Variants in ALDH3B2 observed in about 807,000 individuals in gnomAD.
ALDH3B2 encodes the protein aldehyde dehydrogenase family 3 member B2.
Under a neutral mutation model 36.7 loss-of-function variants are expected in ALDH3B2, and 45 were observed. That is an observed-to-expected ratio of 1.23 (90% CI 0.97 to 1.57). The LOEUF is 1.57. Among genes scored for constraint, ALDH3B2 ranks in the 40% most tolerant of loss-of-function variants. ALDH3B2 has a pLI of 0.00. For synonymous variants in ALDH3B2, 217 were observed against 226.5 expected (o/e 0.96, Z 0.38); for missense variants, 464 against 513.3 (o/e 0.90, Z 0.93).
upstream of ALDH3B2, among the ~76,000 whole-genome samples, chr11:67,675,167 C>T (rs758584174): frequency 2.5e-4 from 38 of 152,266 alleles, no homozygotes; most frequent in Middle Eastern, 0.014. Context: ...TGATGGGCGA[C>T]GGCACCTGTA....
exon 2 of ALDH3B2, chr11:67,667,599 A>C: frequency 2.8e-6 from 1 of 358,694 alleles, no homozygotes. Flanking sequence ...TGAAGGCCTC[A>C]CGCAGCCGCC....
At chr11:67,674,763 A>G (rs937127369), upstream of ALDH3B2, 1 of 152,288 alleles carries the variant, frequency 6.6e-6, no homozygotes, top group African/African-American at 2.4e-5. Context: ...GCCCCCAGGG[A>G]CCACACTGCA....
exon 10 of ALDH3B2, chr11:67,662,821 G>A (rs530748628): frequency 2.3e-5 from 5 of 220,428 alleles, no homozygotes; most frequent in African/African-American, 9.3e-5. Flanking sequence ...CTAGAGGGGA[G>A]AGCAAAGGCC....
Position 67,667,462 on chromosome 11 carries a change from C to T in ALDH3B2, c.-82+11G>A, listed in dbSNP as rs377387938. 8.0e-4 allele frequency: 302 copies of T among 377,002 alleles called. 4 individuals carry two copies. In the South Asian group the frequency reaches 0.016, roughly 20 times the overall value. The allele number at this position is 377,002 out of a possible 1,614,324, so 23.4% of individuals were successfully genotyped here. The stretch of plus-strand genomic sequence containing the variant: ...TCCAGCCCCTGCCGGGGCCCACTCT[C>T]CACGGCCCACCTTATGCAGGTCCTG... On this transcript the variant is annotated intron_variant, in intron 2 of 9. Transcript: ENST00000349015.
upstream of ALDH3B2, among the ~76,000 whole-genome samples, chr11:67,676,931 A>T (rs928306716): frequency 2.6e-5 from 4 of 152,168 alleles, no homozygotes; most frequent in Non-Finnish European, 4.4e-5. Context: ...ACAGGCCAAT[A>T]ACAAGCAGCG....
chr11:67,665,525 A>G (rs924593332), exon 7 of ALDH3B2: 3 of 1,613,870 alleles, frequency 1.9e-6, no homozygotes, highest in African/African-American at 2.7e-5. Context: ...GCATTGAAGT[A>G]GCAGAACCAG....
At chr11:67,673,132 G>A (rs966441836) in intron 1 of ALDH3B2, among the ~76,000 whole-genome samples, 2 of 151,682 alleles carry the variant, frequency 1.3e-5, no homozygotes, top group Admixed American at 1.3e-4. Flanking sequence ...GGGTTTCACC[G>A]TGCTAGCCAG....
At chr11:67,668,356 GC>G (rs1436367438) in intron 1 of ALDH3B2, among the ~76,000 whole-genome samples, 1 of 152,182 alleles carries the variant, frequency 6.6e-6, no homozygotes, top group Non-Finnish European at 1.5e-5. Flanking sequence ...CTGGGCTTTA[GC>G]CTGAGGGCCC....
chr11:67,671,639 C>T (rs1565249878), intron 1 of ALDH3B2, among the ~76,000 whole-genome samples: 1 of 151,588 alleles, frequency 6.6e-6, no homozygotes, highest in Non-Finnish European at 1.5e-5. Context: ...CTCTGCCTCC[C>T]AGGTTCAAGT....
At chr11:67,663,490 C>A in intron 9 of ALDH3B2, 91 bp from the exon 10 acceptor site, 1 of 1,488,912 alleles carries the variant, frequency 6.7e-7, no homozygotes, top group Non-Finnish European at 9.2e-7. Context: ...ACACAGCTGG[C>A]AGGGAGCTCA....
chr11:67,668,509 G>A (rs1399217500), intron 1 of ALDH3B2, among the ~76,000 whole-genome samples: 1 of 152,130 alleles, frequency 6.6e-6, no homozygotes, highest in Non-Finnish European at 1.5e-5. Flanking sequence ...CTCAAGAATG[G>A]TGCGCAAATC....
upstream of ALDH3B2, among the ~76,000 whole-genome samples, chr11:67,679,282 A>C (rs1363552249): frequency 6.6e-6 from 1 of 152,134 alleles, no homozygotes; most frequent in African/African-American, 2.4e-5. Flanking sequence ...AGCCTGACCA[A>C]CATGATGAAA....
At chr11:67,669,175 T>A (rs1002655645) in intron 1 of ALDH3B2, among the ~76,000 whole-genome samples, 2 of 151,392 alleles carry the variant, frequency 1.3e-5, no homozygotes, top group African/African-American at 4.9e-5. Context: ...TGCATCTTCA[T>A]GTGTATGGCT....
chr11:67,672,042 CATATAT>C (rs57997475), intron 1 of ALDH3B2, among the ~76,000 whole-genome samples: 4,285 of 49,020 alleles, frequency 0.087, 186 homozygotes, highest in Middle Eastern at 0.11. Context: ...CGATGTACTT[CATATAT>C]ATATATATAT....
rs371313318 is a variant in ALDH3B2 at position 67,673,468 on chromosome 11, G to A, written c.-245+969C>T. ...ACCCACCCCTGGCTCTGACTGCTGCGGGGAAGCCGTAGGGGAGGGCCTCTT... is the reference window on the plus strand; with the variant it reads ...ACCCACCCCTGGCTCTGACTGCTGCAGGGAAGCCGTAGGGGAGGGCCTCTT... On this transcript the variant is annotated intron_variant, in intron 1 of 9. Transcript: ENST00000349015. Among the ~76,000 whole-genome samples, 17 of 152,300 alleles carry A rather than the reference G, an allele frequency of 1.1e-4. No homozygotes were observed. In the East Asian group the frequency reaches 1.4e-3, roughly 12 times the overall value.
intron 8 of ALDH3B2, 153 bp downstream of exon 8, chr11:67,664,243 G>A: frequency 8.2e-7 from 1 of 1,221,318 alleles, no homozygotes; most frequent in South Asian, 1.4e-5. Flanking sequence ...AGGCATCCTT[G>A]CGCCGGATGC....
In ALDH3B2 at chr11:67,665,976, C is replaced by T. The variant is rs998773938; in HGVS notation, c.319+146G>A. ...TTGCTGCAATGTGCCCAGGGCGTGG[C>T]CTATGCAGGCAGACGGACTCTGTGC... On this transcript the variant is annotated intron_variant, in intron 6 of 9. Transcript: ENST00000349015. The T allele has an allele frequency of 1.3e-5, 15 of 1,149,390 alleles. No individual in the cohort carries two copies. The Admixed American group carries it at 2.4e-4, about 19-fold the overall frequency. 71.2% of individuals were successfully genotyped at this position (1,149,390 alleles called of 1,614,324 possible).
chr11:67,671,709 A>T (rs879297910), intron 1 of ALDH3B2, among the ~76,000 whole-genome samples: 1 of 150,846 alleles, frequency 6.6e-6, no homozygotes, highest in Non-Finnish European at 1.5e-5. Context: ...ACCACGCCCA[A>T]ATAATTTTGT....
intron 1 of ALDH3B2, chr11:67,671,257 G>T (rs1416774818): frequency 6.6e-6 from 1 of 152,306 alleles, no homozygotes; most frequent in East Asian, 1.9e-4. Context: ...TTTCTGGGCA[G>T]TCGTCGCCTG....
Sources: allele counts gnomAD v4.1 joint callset (sites outside exome capture counted in the v4.1 genomes callset), GRCh38; gene constraint gnomAD v4.1.1; transcripts MANE v1.5; gene names NCBI Gene and HGNC (gene_info 2026-07-23, HGNC 2026-07-21).